Variants in ITGBL1 observed in about 807,000 individuals in gnomAD.
ITGBL1 encodes the protein integrin subunit beta like 1.
A neutral mutation model predicts 68.5 loss-of-function variants in ITGBL1; 51 were observed. The observed-to-expected ratio is 0.74, with a 90% CI of 0.59 to 0.94. ITGBL1 has a LOEUF of 0.94. Ranked by LOEUF, ITGBL1 falls within the 40% of genes least tolerant of loss-of-function variation. The pLI is 0.00. For synonymous variants in ITGBL1, 209 were observed against 227.3 expected, an observed-to-expected ratio of 0.92 and a Z score of 0.72; for missense variants, 649 against 647.4, an observed-to-expected ratio of 1.00 and a Z score of -0.03.
intron 7 of ITGBL1, among the ~76,000 whole-genome samples, chr13:101,662,605 G>A (rs997442433): frequency 6.6e-6 from 1 of 152,006 alleles, no homozygotes; most frequent in Non-Finnish European, 1.5e-5. Flanking sequence ...GTAATTGGAA[G>A]CATATTTCCA....
chr13:101,693,994 C>T (rs1249164298), intron 8 of ITGBL1, among the ~76,000 whole-genome samples: 6 of 152,142 alleles, frequency 3.9e-5, no homozygotes, highest in Non-Finnish European at 7.4e-5. Context: ...GTCATGGCAG[C>T]CACCCTAAGA....
intron 7 of ITGBL1, among the ~76,000 whole-genome samples, chr13:101,645,579 C>T (rs79963645): frequency 0.013 from 2,026 of 152,046 alleles, 25 homozygotes; most frequent in Non-Finnish European, 0.019. Flanking sequence ...TTCTCTCATT[C>T]GGGGAAATTA....
chr13:101,608,805 A>G (rs750708722), intron 7 of ITGBL1, among the ~76,000 whole-genome samples: 1 of 152,054 alleles, frequency 6.6e-6, no homozygotes, highest in Non-Finnish European at 1.5e-5. Flanking sequence ...CCTAGTTTTT[A>G]TAAACTATAG....
chr13:101,534,866 G>C lies in ITGBL1; in HGVS notation c.317-32833G>C, dbSNP rs997199428. Reference sequence around the variant, plus strand: ...TTTCCAGCAGTAATTATTAATCCAGGTGGAGAGGAGAGATTGTGAAATTAA... The same window carrying C: ...TTTCCAGCAGTAATTATTAATCCAGCTGGAGAGGAGAGATTGTGAAATTAA... On this transcript the variant is annotated intron_variant, in intron 2 of 10. Transcript: ENST00000376180. 2.6e-5 allele frequency among the ~76,000 whole-genome samples: 4 copies of C among 152,056 alleles called. No homozygotes were observed. In the South Asian group the frequency reaches 8.3e-4, roughly 32 times the overall value.
At chr13:101,474,854 C>T (rs185389797) in intron 2 of ITGBL1, among the ~76,000 whole-genome samples, 82 of 152,326 alleles carry the variant, frequency 5.4e-4, no homozygotes, top group Middle Eastern at 3.4e-3. Context: ...GTAAGAATCA[C>T]GGCATTACTG....
At chr13:101,606,399 T>C (rs1232983350) in intron 7 of ITGBL1, among the ~76,000 whole-genome samples, 3 of 151,650 alleles carry the variant, frequency 2.0e-5, no homozygotes, top group South Asian at 2.1e-4. Context: ...ATGTAGCTCA[T>C]ATAGCCATTA....
At chr13:101,564,806 C>T (rs772028724) in intron 2 of ITGBL1, among the ~76,000 whole-genome samples, 8 of 150,804 alleles carry the variant, frequency 5.3e-5, no homozygotes, top group Admixed American at 1.3e-4. Flanking sequence ...TAAAAAATGA[C>T]TCTGCAATTT....
At chr13:101,533,051 A>G (rs778900011) in intron 2 of ITGBL1, among the ~76,000 whole-genome samples, 32 of 152,224 alleles carry the variant, frequency 2.1e-4, no homozygotes, top group Non-Finnish European at 4.1e-4. Flanking sequence ...TTCTAGGATT[A>G]CAAGAGTGTA....
At chr13:101,688,872 G>C (rs993302000) in intron 7 of ITGBL1, among the ~76,000 whole-genome samples, 2 of 152,054 alleles carry the variant, frequency 1.3e-5, no homozygotes, top group Non-Finnish European at 2.9e-5. Context: ...TATGATTACT[G>C]TTTAATGCAC....
chr13:101,676,380 A>T (rs1285043050), intron 7 of ITGBL1, among the ~76,000 whole-genome samples: 1 of 152,170 alleles, frequency 6.6e-6, no homozygotes, highest in East Asian at 1.9e-4. Flanking sequence ...AGGAATTGAG[A>T]TAATATCTAA....
intron 7 of ITGBL1, among the ~76,000 whole-genome samples, chr13:101,619,579 T>G (rs76542297): frequency 0.019 from 2,853 of 152,250 alleles, 86 homozygotes; most frequent in African/African-American, 0.064. Flanking sequence ...TTTAGACTTC[T>G]GATCTCCAGA....
chr13:101,542,140 G>T (rs1422366932), intron 2 of ITGBL1, among the ~76,000 whole-genome samples: 5 of 152,216 alleles, frequency 3.3e-5, no homozygotes, highest in Admixed American at 1.3e-4. Context: ...TCTTTTAATT[G>T]TGATGTTAGG....
intron 2 of ITGBL1, among the ~76,000 whole-genome samples, chr13:101,506,171 A>G (rs1321799392): frequency 6.6e-6 from 1 of 152,200 alleles, no homozygotes; most frequent in Admixed American, 6.5e-5. Flanking sequence ...AAATGTGAGA[A>G]TGTACTGCTG....
intron 4 of ITGBL1, among the ~76,000 whole-genome samples, chr13:101,576,518 G>T (rs2050361946): frequency 6.6e-6 from 1 of 152,178 alleles, no homozygotes; most frequent in Admixed American, 6.5e-5. Flanking sequence ...CCTATCTCAT[G>T]GGATTCCAGT....
intron 6 of ITGBL1, among the ~76,000 whole-genome samples, chr13:101,594,724 AT>A (rs1224662752): frequency 6.6e-6 from 1 of 152,180 alleles, no homozygotes; most frequent in African/African-American, 2.4e-5. Flanking sequence ...GTTCTAGTCC[AT>A]TTTTGCATTG....
chr13:101,676,976 TA>T (rs1395093931), intron 7 of ITGBL1, among the ~76,000 whole-genome samples: 1 of 151,950 alleles, frequency 6.6e-6, no homozygotes, highest in Non-Finnish European at 1.5e-5. Flanking sequence ...ATATAAAAAT[TA>T]GCTGGGCGTG....
rs548462900 is a variant in ITGBL1, at chr13:101,550,729, A to G, written c.317-16970A>G. Among the ~76,000 whole-genome samples, 177 of 152,314 alleles carry G rather than the reference A, an allele frequency of 1.2e-3. 1 individual carries two copies. In the South Asian group the frequency reaches 0.013, roughly 11 times the overall value. On this transcript the variant is annotated intron_variant, in intron 2 of 10. Transcript: ENST00000376180. ...TAGAGTAATAAATTTAAGAAAACTGATAAGTGTGTGCTTGTGGAAGATTAA... is the reference window on the plus strand; with the variant it reads ...TAGAGTAATAAATTTAAGAAAACTGGTAAGTGTGTGCTTGTGGAAGATTAA...
chr13:101,469,902 A>G (rs2048434079), intron 2 of ITGBL1, among the ~76,000 whole-genome samples: 1 of 152,200 alleles, frequency 6.6e-6, no homozygotes, highest in Non-Finnish European at 1.5e-5. Flanking sequence ...GAATTAAAAA[A>G]CAAAGCTGTT....
chr13:101,525,005 GA>G (rs953510702), intron 2 of ITGBL1, among the ~76,000 whole-genome samples: 2 of 152,060 alleles, frequency 1.3e-5, no homozygotes, highest in Non-Finnish European at 2.9e-5. Context: ...ACCTATAATT[GA>G]AATTTTATGC....
Sources: gnomAD v4.1 joint callset for allele counts (sites outside exome capture counted in the v4.1 genomes callset) on GRCh38, gnomAD v4.1.1 for gene constraint, MANE v1.5 for transcripts, NCBI Gene and HGNC (gene_info 2026-07-23, HGNC 2026-07-21) for gene names.